The following IL1RAPL2 variants were observed in gnomAD, a reference collection of about 807,000 sequenced individuals.
IL1RAPL2 encodes the protein X-linked interleukin-1 receptor accessory protein-like 2.
In IL1RAPL2, 3 loss-of-function variants were observed where a neutral mutation model predicts 44.1. The observed-to-expected ratio is 0.07, with a 90% confidence interval of 0.03 to 0.18. The LOEUF is 0.18. Ranked by LOEUF, IL1RAPL2 falls within the 10% of genes least tolerant of loss-of-function variation. The pLI is 1.00. For missense variants in IL1RAPL2, 391 were observed against 496.4 expected (o/e 0.79, Z 2.02); for synonymous variants, 181 against 178.8 (o/e 1.01, Z -0.10).
rs111243255 is a variant in IL1RAPL2 at position 105,746,596 on chromosome X, C to T, written c.1049-2364C>T. ...TTTTCAACTTGAACAGCCATCATTA[C>T]ATAATATCTTTCAAAGACATTTTTA... is the stretch of plus-strand genomic sequence containing the variant. On this transcript the variant is annotated intron_variant, in intron 8 of 10. Transcript: ENST00000372582. Among the ~76,000 whole-genome samples, 380 of 111,930 alleles carry T rather than the reference C, an allele frequency of 3.4e-3. 1 individual carries two copies. Among genetic ancestry groups the T allele is most frequent in the African/African-American group, 0.011 (332 of 30,830 alleles).
chrX:104,621,675 A>T (rs1929404231), intron 1 of IL1RAPL2, among the ~76,000 whole-genome samples: 1 of 111,207 alleles, frequency 9.0e-6, no homozygotes, highest in African/African-American at 3.3e-5. Flanking sequence ...GTATTAGGAG[A>T]TGTTGGTAAT....
At chrX:104,893,381 G>A (rs1052813320) in intron 2 of IL1RAPL2, among the ~76,000 whole-genome samples, 1 of 111,396 alleles carries the variant, frequency 9.0e-6, no homozygotes, top group Non-Finnish European at 1.9e-5. Context: ...AATATTGACA[G>A]TGGGGTGTTA....
intron 5 of IL1RAPL2, among the ~76,000 whole-genome samples, chrX:105,479,282 A>G (rs190015344): frequency 5.4e-4 from 60 of 112,054 alleles, no homozygotes; most frequent in African/African-American, 1.8e-3. Context: ...GAAACAGCCT[A>G]GAACAGTAGA....
intron 2 of IL1RAPL2, among the ~76,000 whole-genome samples, chrX:104,730,760 A>T (rs1931897515): frequency 9.1e-6 from 1 of 109,533 alleles, no homozygotes; most frequent in African/African-American, 3.3e-5. Flanking sequence ...GCTGGGTCAA[A>T]TGGAATTTCT....
intron 6 of IL1RAPL2, among the ~76,000 whole-genome samples, chrX:105,623,650 T>A (rs2037435076): frequency 9.0e-6 from 1 of 111,337 alleles, no homozygotes. Flanking sequence ...TGTTGTGGAC[T>A]AGATGTATGC....
intron 2 of IL1RAPL2, among the ~76,000 whole-genome samples, chrX:105,159,982 A>ACCCCC (rs200123489): frequency 9.6e-5 from 7 of 72,997 alleles, no homozygotes; most frequent in African/African-American, 3.8e-4. Context: ...GACTTAAAGA[A>ACCCCC]CCCCCCCCCC....
chrX:104,601,297 C>A (rs1466063231), intron 1 of IL1RAPL2, among the ~76,000 whole-genome samples: 1 of 108,428 alleles, frequency 9.2e-6, no homozygotes, highest in Non-Finnish European at 1.9e-5. Context: ...CCACAACAGG[C>A]CCCCGTGTGT....
intron 6 of IL1RAPL2, among the ~76,000 whole-genome samples, chrX:105,494,669 T>TG (rs1039773851): frequency 9.0e-6 from 1 of 110,943 alleles, no homozygotes; most frequent in Non-Finnish European, 1.9e-5. Context: ...GGTCCCTTTT[T>TG]GGGGGGTCAG....
In IL1RAPL2 at chrX:104,910,350, G is replaced by C. The variant is rs1317643518; in HGVS notation, c.82+251355G>C. Among the ~76,000 whole-genome samples the C allele has an allele frequency of 4.5e-5, 5 of 112,272 alleles. No individual in the cohort carries two copies. The Admixed American group carries it at 4.7e-4, about 11-fold the overall frequency. The stretch of plus-strand genomic sequence containing the variant: ...GTGCTGGGAACTGTAGACTGGAGCT[G>C]TTCCTATTCGTCCATCTTGGCTCCT... On this transcript the variant is annotated intron_variant, in intron 2 of 10. Transcript: ENST00000372582.
intron 5 of IL1RAPL2, among the ~76,000 whole-genome samples, chrX:105,399,663 C>CA (rs2035592357): frequency 1.8e-5 from 2 of 111,432 alleles, no homozygotes; most frequent in Non-Finnish European, 3.8e-5. Context: ...TGCCAGTCTA[C>CA]TTTTAAGGCC....
Position 105,502,821 on chromosome X carries a change from A to G in IL1RAPL2, c.772+18434A>G, listed in dbSNP as rs1230863845. On this transcript the variant is annotated intron_variant, in intron 6 of 10. Transcript: ENST00000372582. ...AAATTCTTGACAAGTTTTAGGTCCT[A>G]TCCACCTACACAAACCACTTTGACC... is the stretch of plus-strand genomic sequence containing the variant. Among the ~76,000 whole-genome samples the G allele has an allele frequency of 2.7e-5, 3 of 110,015 alleles. No individual in the cohort carries two copies. The East Asian group carries it at 8.6e-4, about 32-fold the overall frequency.
At chrX:104,802,202 G>A (rs1230593151) in intron 2 of IL1RAPL2, among the ~76,000 whole-genome samples, 4 of 109,983 alleles carry the variant, frequency 3.6e-5, no homozygotes, top group South Asian at 7.9e-4. Flanking sequence ...AAATTTAGCC[G>A]GGCATGGTAG....
Position 105,195,703 on chromosome X carries a change from A to G in IL1RAPL2, c.311A>G (p.His104Arg). ...AAAGAGGAAGATTCAATATGGTTTCACTCAGCTGAGGCACAAGACAGTGGA... is the reference window on the plus strand; with the variant it reads ...AAAGAGGAAGATTCAATATGGTTTCGCTCAGCTGAGGCACAAGACAGTGGA... ...MSKEEDSIWF[H>R]SAEAQDSGFY... The change falls in exon 3 of 11, where the codon CAC becomes CGC. Residue 104 changes from histidine (H) to arginine (R), a missense_variant. This residue lies in a region of IL1RAPL2 where 159 missense variants were observed against 251.7 expected (regional missense o/e 0.63). Transcript: ENST00000372582. The G allele has an allele frequency of 8.3e-7, 1 of 1,211,477 alleles. No homozygotes were observed. Among genetic ancestry groups the G allele is most frequent in the Non-Finnish European group, 1.1e-6 (1 of 895,254 alleles).
At chrX:105,190,652 A>G (rs1457202247) in intron 2 of IL1RAPL2, among the ~76,000 whole-genome samples, 1 of 111,784 alleles carries the variant, frequency 8.9e-6, no homozygotes, top group African/African-American at 3.3e-5. Context: ...AGGGATTTCC[A>G]ATTTGGGGAA....
intron 2 of IL1RAPL2, among the ~76,000 whole-genome samples, chrX:104,742,387 A>G (rs1474385690): frequency 9.0e-6 from 1 of 111,727 alleles, no homozygotes; most frequent in Non-Finnish European, 1.9e-5. Flanking sequence ...TTTTCACTGC[A>G]CTAAAGGTTG....
intron 5 of IL1RAPL2, among the ~76,000 whole-genome samples, chrX:105,324,621 A>C (rs781708823): frequency 8.9e-6 from 1 of 111,974 alleles, no homozygotes; most frequent in South Asian, 3.7e-4. Flanking sequence ...CTGTTTAAAA[A>C]GCAATTTCAC....
At chrX:104,710,674 C>T (rs945660194) in intron 2 of IL1RAPL2, among the ~76,000 whole-genome samples, 1 of 110,805 alleles carries the variant, frequency 9.0e-6, no homozygotes. Context: ...TCATTTGCTG[C>T]GTAACATGGG....
intron 6 of IL1RAPL2, among the ~76,000 whole-genome samples, chrX:105,530,151 A>G (rs1160265415): frequency 8.9e-6 from 1 of 112,410 alleles, no homozygotes; most frequent in African/African-American, 3.2e-5. Flanking sequence ...ACTGTTTTCC[A>G]CAGTGGCTGA....
chrX:105,115,525 G>C (rs758601261), intron 2 of IL1RAPL2, among the ~76,000 whole-genome samples: 2 of 111,994 alleles, frequency 1.8e-5, no homozygotes, highest in Admixed American at 9.4e-5. Context: ...ACAGAGTGTC[G>C]ATTGGTGTAT....
Sources: allele counts gnomAD v4.1 joint callset (sites outside exome capture counted in the v4.1 genomes callset), GRCh38; gene constraint gnomAD v4.1.1; regional missense constraint gnomAD v4.1.1; transcripts MANE v1.5; gene names NCBI Gene and HGNC (gene_info 2026-07-23, HGNC 2026-07-21).